CACNA1C: variants seen among roughly 807,000 people sequenced by gnomAD.
The protein encoded by CACNA1C is voltage-dependent L-type calcium channel subunit alpha-1C.
In CACNA1C, 30 loss-of-function variants were observed where a neutral mutation model predicts 229.0. That is an observed-to-expected ratio of 0.13 (90% CI 0.10 to 0.18). The LOEUF is 0.18. CACNA1C is among the 10% of genes least tolerant of loss of function. The pLI, the probability that CACNA1C is intolerant of heterozygous loss-of-function variation, is 1.00. For synonymous variants in CACNA1C, 1,114 were observed against 1,132.5 expected, an observed-to-expected ratio of 0.98 and a Z score of 0.33; for missense variants, 1,658 against 2,845.0, an observed-to-expected ratio of 0.58 and a Z score of 9.49.
At position 2,665,622 on chromosome 12, in the gene CACNA1C, C is replaced by T. The variant is rs1355078427; in HGVS notation, c.4440C>T (p.Asp1480=). 21 of 1,613,698 alleles carry T rather than the reference C, an allele frequency of 1.3e-5. No individual in the cohort carries two copies. Among genetic ancestry groups the T allele is most frequent in the Non-Finnish European group, 1.7e-5 (20 of 1,179,766 alleles). Reference sequence around the variant, plus strand: ...TAGCTGTCATCATGGACAACTTTGACTACCTGACAAGGGACTGGTCCATCC... The same window carrying T: ...TAGCTGTCATCATGGACAACTTTGATTACCTGACAAGGGACTGGTCCATCC... ...LFVAVIMDNF[D]YLTRDWSILG... The change falls in exon 36 of 47, where the codon GAC becomes GAT. Residue 1480 remains aspartate, a synonymous_variant. Transcript: ENST00000399655. This position sits in a 1 kb window ranked among gnomAD's most constrained non-coding sequence, Gnocchi z 5.9.
At chr12:2,372,502 A>G (rs2154540874) in intron 3 of CACNA1C, among the ~76,000 whole-genome samples, 1 of 152,312 alleles carries the variant, frequency 6.6e-6, no homozygotes, top group South Asian at 2.1e-4. Flanking sequence ...CAGTTAATCC[A>G]GGAGAGATGG....
rs2096134354 is a variant in CACNA1C at position 2,666,691 on chromosome 12, G to A, written c.4532G>A (p.Arg1511His). The A allele has an allele frequency of 6.3e-7, 1 of 1,585,828 alleles. No homozygotes were observed. The change falls in exon 37 of 47, where the codon CGT (arginine) becomes CAT (histidine). Residue 1511 changes from arginine (R) to histidine (H), a missense_variant. By Grantham distance (29) the Arg-to-His change is conservative. This residue lies in a region of CACNA1C where 151 missense variants were observed against 344.4 expected (regional missense o/e 0.44). Coordinates refer to ENST00000399655, the MANE Select transcript of CACNA1C (RefSeq NM_000719.7). This position sits in a 1 kb window ranked among gnomAD's most constrained non-coding sequence, Gnocchi z 5.3. ...WAEYDPEAKG[R>H]IKHLDVVTLL... ...TCCTCTCCCTCCTCTTCTAGGGGTC[G>A]TATCAAACACCTGGATGTGGTGACC... is the stretch of plus-strand genomic sequence containing the variant.
At chr12:2,258,471 T>G (rs2078832865) in intron 3 of CACNA1C, among the ~76,000 whole-genome samples, 1 of 152,198 alleles carries the variant, frequency 6.6e-6, no homozygotes, top group Non-Finnish European at 1.5e-5. Flanking sequence ...TCTTAAAAAA[T>G]GATGTGGGAT....
At chr12:2,248,721 C>T (rs2074346042) in intron 3 of CACNA1C, among the ~76,000 whole-genome samples, 2 of 152,244 alleles carry the variant, frequency 1.3e-5, no homozygotes, top group Non-Finnish European at 2.9e-5. Flanking sequence ...AACCGAAAGA[C>T]AGGAGCGGAT....
At chr12:2,648,917 G>T (rs2094621676) in intron 31 of CACNA1C, among the ~76,000 whole-genome samples, 5 of 152,154 alleles carry the variant, frequency 3.3e-5, no homozygotes, top group Non-Finnish European at 7.3e-5. Context: ...AGGGAAGACA[G>T]GTGCTCTAGG....
chr12:2,210,417 A>T (rs2097884363), intron 3 of CACNA1C, among the ~76,000 whole-genome samples: 1 of 152,164 alleles, frequency 6.6e-6, no homozygotes, highest in Non-Finnish European at 1.5e-5. Flanking sequence ...TAGCTTTAAG[A>T]CTTATGCCCT....
intron 34 of CACNA1C, among the ~76,000 whole-genome samples, chr12:2,662,434 A>G (rs1303176444): frequency 1.3e-5 from 2 of 152,244 alleles, no homozygotes. Flanking sequence ...CTATATCAGC[A>G]GCAAATGGAC....
At chr12:2,404,846 C>T (rs1185263886) in intron 3 of CACNA1C, among the ~76,000 whole-genome samples, 2 of 152,034 alleles carry the variant, frequency 1.3e-5, no homozygotes, top group Non-Finnish European at 2.9e-5. Flanking sequence ...CATGAAGGAC[C>T]GAGGGTATCC....
intron 9 of CACNA1C, among the ~76,000 whole-genome samples, chr12:2,522,340 C>G (rs1484966772): frequency 6.6e-6 from 1 of 152,198 alleles, no homozygotes; most frequent in East Asian, 1.9e-4. Flanking sequence ...AGACTTCCCC[C>G]AAAAACACAT....
At chr12:2,318,064 G>A (rs1265492240) in intron 3 of CACNA1C, among the ~76,000 whole-genome samples, 2 of 152,234 alleles carry the variant, frequency 1.3e-5, no homozygotes, top group Non-Finnish European at 2.9e-5. Flanking sequence ...CATTTGAAGG[G>A]TGGTGGGTAG....
chr12:2,601,963 G>A lies in CACNA1C; in HGVS notation c.2960+3G>A. 6.3e-7 allele frequency: 1 copy of A among 1,590,394 alleles called. No individual in the cohort carries two copies. Among genetic ancestry groups the A allele is most frequent in the Non-Finnish European group, 8.6e-7 (1 of 1,158,314 alleles). ...TCCCTCATCTCCTTTGGCATCCAGT[G>A]AGTGGGAGCCCCTCAGCCCACGATG... On this transcript the variant is annotated splice_donor_region_variant and intron_variant, in intron 22 of 46. Transcript: ENST00000399655. The surrounding 1 kb of genome is among the most constrained non-coding windows in gnomAD (Gnocchi z 5.9).
At chr12:2,104,054 A>C (rs1165314577) in intron 1 of CACNA1C, among the ~76,000 whole-genome samples, 1 of 152,220 alleles carries the variant, frequency 6.6e-6, no homozygotes, top group East Asian at 1.9e-4. Flanking sequence ...TGTCTTGGCT[A>C]TGCGGGCTCT....
At chr12:2,219,856 ATCTGGAGGCCTGGAG>A (rs1023178724) in intron 3 of CACNA1C, among the ~76,000 whole-genome samples, 4 of 152,136 alleles carry the variant, frequency 2.6e-5, no homozygotes, top group African/African-American at 9.7e-5. Flanking sequence ...TTGGCCTGGG[ATCTGGAGGCCTGGAG>A]TCTGGAGGCC....
chr12:2,170,904 C>T (rs956797068), intron 3 of CACNA1C, among the ~76,000 whole-genome samples: 1 of 152,202 alleles, frequency 6.6e-6, no homozygotes, highest in African/African-American at 2.4e-5. Context: ...ATGGGACCCA[C>T]CCCTGCTGCT....
chr12:2,279,041 G>A (rs551623979), intron 3 of CACNA1C, among the ~76,000 whole-genome samples: 2 of 152,232 alleles, frequency 1.3e-5, no homozygotes, highest in African/African-American at 2.4e-5. Context: ...ATTTTTTGGT[G>A]AAGTATCTGT....
chr12:2,329,984 G>T (rs960684621), intron 3 of CACNA1C, among the ~76,000 whole-genome samples: 2 of 152,210 alleles, frequency 1.3e-5, no homozygotes, highest in African/African-American at 2.4e-5. Context: ...GGGCCGTGTT[G>T]TTTGAAAATA....
chr12:1,996,048 G>C (rs540179954), intron 1 of CACNA1C, among the ~76,000 whole-genome samples: 3 of 152,096 alleles, frequency 2.0e-5, no homozygotes, highest in South Asian at 4.1e-4. Context: ...TCAAAATATT[G>C]TCATTTTTAA....
At chr12:2,451,011 T>A (rs1166899262) in intron 4 of CACNA1C, among the ~76,000 whole-genome samples, 1 of 152,016 alleles carries the variant, frequency 6.6e-6, no homozygotes. Context: ...GTTAGGGTTT[T>A]TGTTGTTGTT....
rs184654008 is a variant in CACNA1C at position 2,450,358 on chromosome 12, T to C, written c.617+1243T>C. On this transcript the variant is annotated intron_variant, in intron 4 of 46. Transcript: ENST00000399655. The stretch of plus-strand genomic sequence containing the variant: ...TCACGAGGTCAGGAGATCGAGACCA[T>C]CCTGGCTAACACGGTGAAACCCCGT... 8.3e-3 allele frequency among the ~76,000 whole-genome samples: 1,258 copies of C among 151,546 alleles called. 14 individuals carry two copies. Among genetic ancestry groups the C allele is most frequent in the African/African-American group, 0.026 (1,093 of 41,264 alleles).
Sources: allele counts gnomAD v4.1 joint callset (sites outside exome capture counted in the v4.1 genomes callset), GRCh38; gene constraint gnomAD v4.1.1; regional missense constraint gnomAD v4.1.1; non-coding constraint Gnocchi (gnomAD v3.1); transcripts MANE v1.5; gene names NCBI Gene and HGNC (gene_info 2026-07-23, HGNC 2026-07-21).